The following RANBP2 variants were observed in gnomAD, a reference collection of about 807,000 sequenced individuals.
The protein encoded by RANBP2 is RAN binding protein 2.
In RANBP2, 57 loss-of-function variants were observed where a neutral mutation model predicts 303.6. The observed-to-expected ratio is 0.19, with a 90% CI of 0.15 to 0.23. The LOEUF (loss-of-function observed/expected upper bound fraction) is 0.23, where lower values mean the gene tolerates loss of function less well. Among genes scored for constraint, RANBP2 ranks in the 10% least tolerant of loss-of-function variants. The probability of loss-of-function intolerance (pLI) is 1.00; values close to 1 mark genes in which losing one functional copy is unlikely to be tolerated. For missense variants in RANBP2, 3,138 were observed against 3,780.8 expected, an observed-to-expected ratio of 0.83 and a Z score of 4.46; for synonymous variants, 1,167 against 1,301.5, an observed-to-expected ratio of 0.90 and a Z score of 2.23.
chr2:109,725,515 T>G, the RANBP2 span, among the ~76,000 whole-genome samples: 1 of 152,178 alleles, frequency 6.6e-6, no homozygotes, highest in Non-Finnish European at 1.5e-5. Context: ...TGGCATTTCT[T>G]GCTGCTCTCA....
the RANBP2 span, among the ~76,000 whole-genome samples, chr2:108,800,638 T>TAA: frequency 1.1e-3 from 82 of 73,776 alleles, 1 homozygote; most frequent in African/African-American, 3.6e-3. Context: ...TTTTTTTTTT[T>TAA]AATTATACTT....
the RANBP2 span, among the ~76,000 whole-genome samples, chr2:109,536,052 TGG>T: frequency 8.1e-4 from 71 of 87,652 alleles, 1 homozygote; most frequent in African/African-American, 2.0e-3. Flanking sequence ...TGGGTGGGGG[TGG>T]GGGGGGGGTC....
the RANBP2 span, among the ~76,000 whole-genome samples, chr2:109,462,711 T>C: frequency 2.0e-5 from 3 of 152,240 alleles, no homozygotes; most frequent in Admixed American, 2.0e-4. Flanking sequence ...ATGTGAGGAT[T>C]CTGCCTGCTG....
the RANBP2 span, chr2:108,798,322 G>A: frequency 4.9e-6 from 6 of 1,236,752 alleles, no homozygotes; most frequent in Non-Finnish European, 6.8e-6. Context: ...AGGTACCCCT[G>A]TATTCCTGAA....
At chr2:109,588,215 G>A in the RANBP2 span, among the ~76,000 whole-genome samples, 1 of 152,124 alleles carries the variant, frequency 6.6e-6, no homozygotes, top group Non-Finnish European at 1.5e-5. Flanking sequence ...AAAATCCACT[G>A]CCAGTTGGCC....
At chr2:109,203,991 A>G in the RANBP2 span, among the ~76,000 whole-genome samples, 1 of 152,196 alleles carries the variant, frequency 6.6e-6, no homozygotes, top group Non-Finnish European at 1.5e-5. Flanking sequence ...TGTGGGCTTG[A>G]AGGGGCTCTG....
chr2:109,324,544 C>A, the RANBP2 span, among the ~76,000 whole-genome samples: 1 of 152,176 alleles, frequency 6.6e-6, no homozygotes, highest in Non-Finnish European at 1.5e-5. Context: ...ATGAAAGTTA[C>A]AACTGTCATC....
the RANBP2 span, among the ~76,000 whole-genome samples, chr2:109,333,520 G>A: frequency 6.6e-6 from 1 of 152,224 alleles, no homozygotes; most frequent in Non-Finnish European, 1.5e-5. Flanking sequence ...ACCTGTTTGT[G>A]TAAGTAAAGT....
At chr2:108,823,202 A>G in the RANBP2 span, among the ~76,000 whole-genome samples, 1 of 152,224 alleles carries the variant, frequency 6.6e-6, no homozygotes, top group Non-Finnish European at 1.5e-5. Context: ...TTAGAATTCT[A>G]CCAAACATTT....
chr2:108,930,195 C>T, the RANBP2 span: 4 of 1,614,008 alleles, frequency 2.5e-6, no homozygotes, highest in Non-Finnish European at 2.5e-6. Context: ...AGTACTCGTT[C>T]TCACCGCAGT....
At chr2:109,390,527 C>T in the RANBP2 span, among the ~76,000 whole-genome samples, 1 of 152,176 alleles carries the variant, frequency 6.6e-6, no homozygotes, top group Non-Finnish European at 1.5e-5. Context: ...GGACACATCA[C>T]CCAATATCAA....
At chr2:108,726,269 A>G (rs1694698680) in intron 1 of RANBP2, among the ~76,000 whole-genome samples, 2 of 152,188 alleles carry the variant, frequency 1.3e-5, no homozygotes, top group South Asian at 4.1e-4. Context: ...GTTACATACT[A>G]GTCATCTCAG....
At chr2:108,750,516 C>G (rs1183214923) in intron 9 of RANBP2, among the ~76,000 whole-genome samples, 5 of 151,966 alleles carry the variant, frequency 3.3e-5, no homozygotes, top group Non-Finnish European at 7.4e-5. Context: ...GCCAAAATGA[C>G]AGAAAGATTA....
the RANBP2 span, among the ~76,000 whole-genome samples, chr2:109,712,034 G>C: frequency 6.6e-6 from 1 of 152,170 alleles, no homozygotes; most frequent in Non-Finnish European, 1.5e-5. Context: ...CTGGTCCAGA[G>C]CTCGGGAAGA....
At chr2:109,179,615 G>A in the RANBP2 span, among the ~76,000 whole-genome samples, 1 of 152,174 alleles carries the variant, frequency 6.6e-6, no homozygotes, top group African/African-American at 2.4e-5. Flanking sequence ...TTGTAATATG[G>A]TGGAGGGTAT....
At chr2:109,385,278 A>G in the RANBP2 span, among the ~76,000 whole-genome samples, 9 of 152,228 alleles carry the variant, frequency 5.9e-5, no homozygotes, top group Non-Finnish European at 1.3e-4. Flanking sequence ...TGCACAAAAC[A>G]GCGCACAAAG....
the RANBP2 span, among the ~76,000 whole-genome samples, chr2:109,115,695 C>T: frequency 7.8e-4 from 118 of 152,250 alleles, 1 homozygote; most frequent in African/African-American, 2.6e-3. Context: ...GGTTATTTTG[C>T]TCGTTAGTTG....
At chr2:109,543,967 C>A in the RANBP2 span, 20 of 586,588 alleles carry the variant, frequency 3.4e-5, no homozygotes, top group Non-Finnish European at 5.9e-5. Context: ...AAATTTTGTG[C>A]AAGAAACAAA....
chr2:109,289,341 G>GCA, the RANBP2 span, among the ~76,000 whole-genome samples: 5,661 of 152,208 alleles, frequency 0.037, 267 homozygotes, highest in African/African-American at 0.1. Flanking sequence ...CCACACAAAG[G>GCA]TCTTAGAAAC....
Sources: allele counts gnomAD v4.1 joint callset (sites outside exome capture counted in the v4.1 genomes callset), GRCh38; gene constraint gnomAD v4.1.1; transcripts MANE v1.5; gene names NCBI Gene and HGNC (gene_info 2026-07-23, HGNC 2026-07-21).